Variants in ZFAND4 observed in about 807,000 individuals in gnomAD.
The protein encoded by ZFAND4 is zinc finger AN1-type containing 4.
In ZFAND4, 43 loss-of-function variants were observed where a neutral mutation model predicts 64.4. The observed-to-expected ratio is 0.67, with a 90% CI of 0.52 to 0.86. The LOEUF is 0.86. Among genes scored for constraint, ZFAND4 ranks in the 40% least tolerant of loss-of-function variants. The probability of loss-of-function intolerance (pLI) is 0.00; values close to 1 mark genes in which losing one functional copy is unlikely to be tolerated. For missense variants in ZFAND4, 929 were observed against 859.8 expected, an observed-to-expected ratio of 1.08 and a Z score of -1.01; for synonymous variants, 296 against 305.7, an observed-to-expected ratio of 0.97 and a Z score of 0.33.
At chr10:45,661,941 GA>G (rs766075300) in intron 2 of ZFAND4, among the ~76,000 whole-genome samples, 1,566 of 101,010 alleles carry the variant, frequency 0.016, 14 homozygotes, top group Middle Eastern at 0.046. Flanking sequence ...CCGTCTCGAA[GA>G]AAAAAAAAAA....
At chr10:45,654,595 GCA>G in intron 2 of ZFAND4, among the ~76,000 whole-genome samples, 1 of 151,564 alleles carries the variant, frequency 6.6e-6, no homozygotes, top group African/African-American at 2.4e-5. Context: ...CTCCAGCCTG[GCA>G]ACAGAGTGAG....
chr10:45,632,226 C>T (rs1358746418), intron 6 of ZFAND4, among the ~76,000 whole-genome samples: 1 of 152,088 alleles, frequency 6.6e-6, no homozygotes, highest in African/African-American at 2.4e-5. Context: ...GGTGTGGTGG[C>T]ACACGCCTGT....
rs903876520 is a variant in ZFAND4 at position 45,664,887 on chromosome 10, C to T, written c.-117-1045G>A. 4.6e-5 allele frequency among the ~76,000 whole-genome samples: 7 copies of T among 152,046 alleles called. 1 individual carries two copies. The highest frequency in any genetic ancestry group is 2.0e-4 in the East Asian group (1 of 5,104). ...CAGAGCTTGCGGTGAGCCGAGATTG[C>T]GCCACAACACCCCAGCCTGGGCAAC... On this transcript the variant is annotated intron_variant, in intron 1 of 9. Transcript: ENST00000344646.
At chr10:45,616,841 T>A (rs1224360325) in intron 9 of ZFAND4, among the ~76,000 whole-genome samples, 2 of 152,182 alleles carry the variant, frequency 1.3e-5, no homozygotes, top group Non-Finnish European at 2.9e-5. Context: ...AAGCCTGTAA[T>A]CCCAGCACTT....
chr10:45,619,703 T>A (rs2045270956), intron 8 of ZFAND4, among the ~76,000 whole-genome samples: 1 of 152,168 alleles, frequency 6.6e-6, no homozygotes, highest in South Asian at 2.1e-4. Flanking sequence ...ATGTCTTTTT[T>A]TTTTTGTCAC....
chr10:45,640,907 A>C (rs1239832050), intron 5 of ZFAND4, among the ~76,000 whole-genome samples: 1 of 152,236 alleles, frequency 6.6e-6, no homozygotes, highest in African/African-American at 2.4e-5. Context: ...GTCATGATAC[A>C]AGCTATTAAA....
At chr10:45,623,425 T>TTG (rs149700793) in intron 8 of ZFAND4, among the ~76,000 whole-genome samples, 5 of 151,806 alleles carry the variant, frequency 3.3e-5, no homozygotes, top group African/African-American at 1.2e-4. Flanking sequence ...TATGTGTATA[T>TTG]TGTGTGTGTG....
At chr10:45,670,438 C>G (rs1273023361) in intron 1 of ZFAND4, among the ~76,000 whole-genome samples, 1 of 152,124 alleles carries the variant, frequency 6.6e-6, no homozygotes, top group African/African-American at 2.4e-5. Context: ...AGGGGTTTCT[C>G]CATGTTCGTC....
At position 45,639,981 on chromosome 10, in the gene ZFAND4, A is replaced by G. The variant is rs2133697832; in HGVS notation, c.570-18T>C. 1 of 1,591,754 alleles carries G rather than the reference A, an allele frequency of 6.3e-7. No individual in the cohort carries two copies. Among genetic ancestry groups the G allele is most frequent in the East Asian group, 2.2e-5 (1 of 44,462 alleles). ...AACCACCACTGCAAAGAAAACAATA[A>G]CTACTTGAAATTTTTCTGATACCTG... On this transcript the variant is annotated intron_variant, in intron 5 of 9. Coordinates refer to ENST00000344646, the MANE Select transcript of ZFAND4 (RefSeq NM_174890.4).
In ZFAND4 at chr10:45,639,835, T is replaced by C. The variant is rs974323999; in HGVS notation, c.698A>G (p.Asn233Ser). The change falls in exon 6 of 10, where the codon AAC (asparagine) becomes AGC (serine). Residue 233 changes from asparagine (N) to serine (S), a missense_variant. Transcript: ENST00000344646. The part of the protein sequence containing the change: ...KMKLLKAKMK[N>S]MNLSKKPKKA... ...CTTCACCTTTTTGCTGAGATTCATG[T>C]TCTTCATCTTAGCCTTCAGCAGCTT... 2.5e-6 allele frequency: 4 copies of C among 1,611,624 alleles called. No individual in the cohort carries two copies. The highest frequency in any genetic ancestry group is 2.5e-6 in the Non-Finnish European group (3 of 1,179,358).
intron 5 of ZFAND4, among the ~76,000 whole-genome samples, chr10:45,644,212 C>CA (rs752817791): frequency 4.1e-4 from 62 of 152,112 alleles, no homozygotes; most frequent in Non-Finnish European, 8.5e-4. Flanking sequence ...AGGGTATACC[C>CA]AACCTTGTCA....
chr10:45,665,593 C>T (rs566826271), intron 1 of ZFAND4, among the ~76,000 whole-genome samples: 60 of 152,134 alleles, frequency 3.9e-4, no homozygotes, highest in African/African-American at 1.4e-3. Flanking sequence ...CCATAAAATT[C>T]ACTCATTTAA....
At chr10:45,668,241 T>C (rs2048960877) in intron 1 of ZFAND4, among the ~76,000 whole-genome samples, 1 of 152,238 alleles carries the variant, frequency 6.6e-6, no homozygotes. Flanking sequence ...ATTATGTCTG[T>C]CAGGATTTGG....
chr10:45,631,172 G>T (rs1247132567), intron 6 of ZFAND4, among the ~76,000 whole-genome samples: 1 of 151,562 alleles, frequency 6.6e-6, no homozygotes, highest in Non-Finnish European at 1.5e-5. Context: ...CAAAAAATTA[G>T]CTGGGTGTGG....
chr10:45,643,681 A>AG (rs1409213590), intron 5 of ZFAND4, among the ~76,000 whole-genome samples: 2 of 151,668 alleles, frequency 1.3e-5, no homozygotes, highest in Non-Finnish European at 2.9e-5. Flanking sequence ...AAAAAAAAAA[A>AG]AAAAAAAAAA....
intron 5 of ZFAND4, 114 bp from the exon 6 acceptor site, chr10:45,640,077 A>C (rs1188356458): frequency 1.5e-6 from 2 of 1,344,712 alleles, no homozygotes; most frequent in African/African-American, 3.0e-5. Context: ...CACTACATCC[A>C]TTTTGTCAAT....
At position 45,627,081 on chromosome 10, in the gene ZFAND4, G is replaced by GT; in HGVS notation, c.741dup (p.Pro248ThrfsTer11). 1 of 1,546,716 alleles carries GT rather than the reference G, an allele frequency of 6.5e-7. No individual in the cohort carries two copies. The highest frequency in any genetic ancestry group is 1.3e-5 in the South Asian group (1 of 79,132). ...GGTCGAGGAGCTACAGGTGGGTGAG[G>GT]TTTTATCTTGACAGCTTTCTTAGGC... On this transcript the variant is annotated frameshift_variant, in exon 7 of 10. Transcript: ENST00000344646. LOFTEE classifies it high-confidence loss of function.
chr10:45,616,084 T>C lies in ZFAND4; in HGVS notation c.*352A>G, dbSNP rs922106841. 1 of 220,978 alleles carries C rather than the reference T, an allele frequency of 4.5e-6. No individual in the cohort carries two copies. The highest frequency in any genetic ancestry group is 9.0e-6 in the Non-Finnish European group (1 of 110,948). The allele number at this position is 220,978 out of a possible 1,614,324, so 13.7% of individuals were successfully genotyped here. ...ATTCATTACATGACTGCTCATTCTG[T>C]ACAATGTGGAAGCCTGGTTATTTAG... On this transcript the variant is annotated 3_prime_UTR_variant, in exon 10 of 10. Transcript: ENST00000344646.
At chr10:45,656,501 C>CAAAAAAAAAAAAAAAAAAAAAAAAAA (rs541781976) in intron 2 of ZFAND4, among the ~76,000 whole-genome samples, 3 of 24,696 alleles carry the variant, frequency 1.2e-4, no homozygotes, top group African/African-American at 1.9e-4. Flanking sequence ...GAACCTGTCT[C>CAAAAAAAAAAAAAAAAAAAAAAAAAA]AAAAAAAAAA....
Sources: allele counts gnomAD v4.1 joint callset (sites outside exome capture counted in the v4.1 genomes callset), GRCh38; gene constraint gnomAD v4.1.1; transcripts MANE v1.5; gene names NCBI Gene and HGNC (gene_info 2026-07-23, HGNC 2026-07-21).